The following SLC2A6 variants were observed in gnomAD, a reference collection of about 807,000 sequenced individuals.
SLC2A6 encodes solute carrier family 2 member 6.
Under a neutral mutation model 47.8 loss-of-function variants are expected in SLC2A6, and 39 were observed. The observed-to-expected ratio is 0.82, with a 90% CI of 0.63 to 1.07. SLC2A6 has a LOEUF of 1.07. SLC2A6 is among the 50% of genes least tolerant of loss of function. SLC2A6 has a pLI of 0.00. For synonymous variants in SLC2A6, 346 were observed against 324.1 expected, an observed-to-expected ratio of 1.07 and a Z score of -0.73; for missense variants, 650 against 707.6, an observed-to-expected ratio of 0.92 and a Z score of 0.92.
intron 1 of SLC2A6, 189 bp downstream of exon 1, chr9:133,478,779 G>A: frequency 5.0e-6 from 3 of 603,832 alleles, no homozygotes; most frequent in African/African-American, 1.9e-5. Context: ...GTACTCTCGT[G>A]GATCGTTCCT....
Position 133,471,768 on chromosome 9 carries a change from G to A in SLC2A6, c.*253C>T. On this transcript the variant is annotated 3_prime_UTR_variant, in exon 10 of 10. Coordinates refer to ENST00000371899, the MANE Select transcript of SLC2A6 (RefSeq NM_017585.4). ...AGCAGGGCCGTGTCCCTGGATGCAG[G>A]GTTGTATGCACTCCTGCGGCCCATG... 2.2e-6 allele frequency: 1 copy of A among 460,586 alleles called. No individual in the cohort carries two copies. The allele number at this position is 460,586 out of a possible 1,614,324, so 28.5% of individuals were successfully genotyped here.
Position 133,477,271 on chromosome 9 carries a change from T to C in SLC2A6, c.256-30A>G, listed in dbSNP as rs1209130359. ...AGGGGAAGGGGGTGCAGGGCAGATA[T>C]GTCTGGGCACTTGGCACCCCAATCT... is the stretch of plus-strand genomic sequence containing the variant. On this transcript the variant is annotated intron_variant, in intron 2 of 9. Transcript: ENST00000371899. The C allele has an allele frequency of 7.1e-6, 11 of 1,546,138 alleles. No homozygotes were observed. The Admixed American group carries it at 1.2e-4, about 17-fold the overall frequency.
rs1554801489 is a variant in SLC2A6 at position 133,471,748 on chromosome 9, G to A, written c.*273C>T. 1 of 400,362 alleles carries A rather than the reference G, an allele frequency of 2.5e-6. No individual in the cohort carries two copies. The highest frequency in any genetic ancestry group is 2.0e-5 in the African/African-American group (1 of 49,182). 24.8% of individuals were successfully genotyped at this position (400,362 alleles called of 1,614,324 possible). Reference sequence around the variant, plus strand: ...GACTAGGCCTGAGGTCACCCAGCAGGGCCGTGTCCCTGGATGCAGGGTTGT... The same window carrying A: ...GACTAGGCCTGAGGTCACCCAGCAGAGCCGTGTCCCTGGATGCAGGGTTGT... On this transcript the variant is annotated 3_prime_UTR_variant, in exon 10 of 10. Coordinates refer to ENST00000371899, the MANE Select transcript of SLC2A6 (RefSeq NM_017585.4).
At chr9:133,477,596 C>A (rs746709695) in intron 2 of SLC2A6, among the ~76,000 whole-genome samples, 23 of 152,160 alleles carry the variant, frequency 1.5e-4, no homozygotes, top group Non-Finnish European at 2.4e-4. Flanking sequence ...GCAACTGGGA[C>A]CCCCTCTGGA....
chr9:133,473,452 G>A lies in SLC2A6; in HGVS notation c.1185C>T (p.Thr395=), dbSNP rs782329302. The A allele has an allele frequency of 6.8e-6, 11 of 1,606,164 alleles. No homozygotes were observed. The highest frequency in any genetic ancestry group is 9.3e-6 in the Non-Finnish European group (11 of 1,177,632). The change falls in exon 8 of 10, where the codon ACC becomes ACT. Residue 395 remains threonine, a synonymous_variant. Transcript: ENST00000371899. ...QPLAAPAGYL[T]LVPLLATMLF... Reference sequence around the variant, plus strand: ...GCATGGTGGCCAGCAGGGGCACCAGGGTGAGGTAGCCAGCGGGTGCTGCCA... The same window carrying A: ...GCATGGTGGCCAGCAGGGGCACCAGAGTGAGGTAGCCAGCGGGTGCTGCCA...
At chr9:133,476,172 C>T (rs782044953) in intron 4 of SLC2A6, 65 bp downstream of exon 4, 13 of 1,270,034 alleles carry the variant, frequency 1.0e-5, no homozygotes, top group African/African-American at 4.4e-5. Flanking sequence ...TTTCCACCCA[C>T]GTCTACCTTG....
intron 7 of SLC2A6, 37 bp downstream of exon 7, chr9:133,473,943 A>AGGAGT (rs781872993): frequency 2.3e-5 from 34 of 1,495,006 alleles, no homozygotes; most frequent in Non-Finnish European, 2.7e-5. Flanking sequence ...ACCCATGCGG[A>AGGAGT]GGAGTGGGGC....
At chr9:133,472,350 A>G (rs1359785469) in intron 9 of SLC2A6, among the ~76,000 whole-genome samples, 174 bp from the exon 10 acceptor site, 1 of 151,752 alleles carries the variant, frequency 6.6e-6, no homozygotes, top group African/African-American at 2.4e-5. Context: ...CCCAGGACAA[A>G]TCCGAAGTAG....
At position 133,471,888 on chromosome 9, in the gene SLC2A6, A is replaced by G. The variant is rs1843729817; in HGVS notation, c.*133T>C. 3 of 1,108,214 alleles carry G rather than the reference A, an allele frequency of 2.7e-6. No homozygotes were observed. Among genetic ancestry groups the G allele is most frequent in the South Asian group, 3.1e-5 (2 of 63,976 alleles). The allele number at this position is 1,108,214 out of a possible 1,614,324, so 68.6% of individuals were successfully genotyped here. A position where few individuals can be genotyped will look rare whatever the true frequency, so the allele number is the denominator to read the frequency against. ...CAGGGGCACCCGCTGCTGAGGCCCC[A>G]TCACACTGCTCTTCCTGTGCTCTGG... On this transcript the variant is annotated 3_prime_UTR_variant, in exon 10 of 10. Coordinates refer to ENST00000371899, the MANE Select transcript of SLC2A6 (RefSeq NM_017585.4).
chr9:133,471,703 T>C lies in SLC2A6; in HGVS notation c.*318A>G. 1 of 280,142 alleles carries C rather than the reference T, an allele frequency of 3.6e-6. No individual in the cohort carries two copies. The highest frequency in any genetic ancestry group is 1.0e-4 in the South Asian group (1 of 10,010). 17.4% of individuals were successfully genotyped at this position (280,142 alleles called of 1,614,324 possible). On this transcript the variant is annotated 3_prime_UTR_variant, in exon 10 of 10. Transcript: ENST00000371899. ...TCCCCGTAGCCTTCTGTGGGGCGTG[T>C]CCTTCACGCAAGGGAAAGGGACTAG...
At position 133,475,483 on chromosome 9, in the gene SLC2A6, G is replaced by A; in HGVS notation, c.691C>T (p.Leu231=). The A allele has an allele frequency of 2.5e-6, 4 of 1,611,856 alleles. No individual in the cohort carries two copies. The highest frequency in any genetic ancestry group is 3.4e-6 in the Non-Finnish European group (4 of 1,179,910). The change falls in exon 5 of 10, where the codon CTG becomes TTG. Residue 231 remains leucine (L), a synonymous_variant. Coordinates refer to ENST00000371899, the MANE Select transcript of SLC2A6 (RefSeq NM_017585.4). ...CCACGCAGCCAGGCCAGCGCCCGCA[G>A]GGCCTCTTCGTCCCTGCCCCGAGAG... The part of the protein sequence containing the change: ...LLSRGRDEEA[L]RALAWLRGTD...
In SLC2A6 at chr9:133,473,976, T is replaced by C; in HGVS notation, c.1036+4A>G. 3 of 1,602,494 alleles carry C rather than the reference T, an allele frequency of 1.9e-6. No homozygotes were observed. The highest frequency in any genetic ancestry group is 2.6e-6 in the Non-Finnish European group (3 of 1,173,728). ...GGCAGGAGGGCTGCCTGCAGGGTGC[T>C]TACCTGAGACGAAGAGCAGCACCTT... On this transcript the variant is annotated splice_donor_region_variant and intron_variant, in intron 7 of 9. Coordinates refer to ENST00000371899, the MANE Select transcript of SLC2A6 (RefSeq NM_017585.4).
At position 133,479,095 on chromosome 9, in the gene SLC2A6, A is replaced by T. The variant is rs903099066; in HGVS notation, c.-36T>A. On this transcript the variant is annotated 5_prime_UTR_variant, in exon 1 of 10. Coordinates refer to ENST00000371899, the MANE Select transcript of SLC2A6 (RefSeq NM_017585.4). ...CTCTCGGGGCGAGCGGAGGGCGCTC[A>T]GACTGGAGCAGCCGCCCGGGGCCAG... 1 of 1,530,316 alleles carries T rather than the reference A, an allele frequency of 6.5e-7. No individual in the cohort carries two copies. The highest frequency in any genetic ancestry group is 8.7e-7 in the Non-Finnish European group (1 of 1,143,116). The allele number at this position is 1,530,316 out of a possible 1,614,324, so 94.8% of individuals were successfully genotyped here.
Position 133,473,653 on chromosome 9 carries a change from T to G in SLC2A6, c.1037-53A>C. 4 of 1,454,586 alleles carry G rather than the reference T, an allele frequency of 2.7e-6. No individual in the cohort carries two copies. The South Asian group carries it at 5.9e-5, about 21-fold the overall frequency. The allele number at this position is 1,454,586 out of a possible 1,614,324, so 90.1% of individuals were successfully genotyped here. On this transcript the variant is annotated intron_variant, in intron 7 of 9. Coordinates refer to ENST00000371899, the MANE Select transcript of SLC2A6 (RefSeq NM_017585.4). ...GCCAGGACCCTCTGAGCCAGCTGTTTCTCTCAGAGCTCCTTCTGCAGAGCC... is the reference window on the plus strand; with the variant it reads ...GCCAGGACCCTCTGAGCCAGCTGTTGCTCTCAGAGCTCCTTCTGCAGAGCC...
At chr9:133,472,287 G>A in intron 9 of SLC2A6, 111 bp from the exon 10 acceptor site, 1 of 1,279,898 alleles carries the variant, frequency 7.8e-7, no homozygotes, top group Non-Finnish European at 1.1e-6. Context: ...GCCTTCATCT[G>A]GTCCTTCCTG....
rs1554803871 is a variant in SLC2A6 at position 133,478,316 on chromosome 9, C to G, written c.193G>C (p.Ala65Pro). Residue 65 changes from alanine to proline, a missense_variant, in exon 2 of 10, where the codon GCC becomes CCC. Ala to Pro is a conservative substitution (Grantham distance 27). Coordinates refer to ENST00000371899, the MANE Select transcript of SLC2A6 (RefSeq NM_017585.4). ...ALVYTSPVIP[A>P]LERSLDPDLH... ...TCAGGATCCAAGGAGCGCTCCAGGG[C>G]TGGGATGACAGGGGATGTGTAGACC... The G allele has an allele frequency of 1.7e-5, 27 of 1,614,018 alleles. No individual in the cohort carries two copies. The highest frequency in any genetic ancestry group is 1.9e-5 in the Non-Finnish European group (23 of 1,180,026).
intron 9 of SLC2A6, 139 bp downstream of exon 9, chr9:133,472,966 A>T: frequency 1.1e-6 from 1 of 882,760 alleles, no homozygotes; most frequent in Non-Finnish European, 1.7e-6. Context: ...CTCTGAGTTC[A>T]GGGGGTGTGT....
chr9:133,473,453 G>C lies in SLC2A6; in HGVS notation c.1184C>G (p.Thr395Ser). 6.2e-7 allele frequency: 1 copy of C among 1,606,198 alleles called. No individual in the cohort carries two copies. Among genetic ancestry groups the C allele is most frequent in the Non-Finnish European group, 8.5e-7 (1 of 1,177,630 alleles). Residue 395 changes from threonine (T) to serine (S), a missense_variant, in exon 8 of 10, where the codon ACC becomes AGC. Transcript: ENST00000371899. ...QPLAAPAGYL[T>S]LVPLLATMLF... is the part of the protein sequence containing the mutation. ...CATGGTGGCCAGCAGGGGCACCAGG[G>C]TGAGGTAGCCAGCGGGTGCTGCCAG...
rs187217836 is a variant in SLC2A6, at chr9:133,471,133, C to A, written c.*888G>T. 2.0e-4 allele frequency: 31 copies of A among 151,828 alleles called. No individual in the cohort carries two copies. Among genetic ancestry groups the A allele is most frequent in the African/African-American group, 7.0e-4 (29 of 41,394 alleles). The allele number at this position is 151,828 out of a possible 1,614,324, so 9.4% of individuals were successfully genotyped here. A position where few individuals can be genotyped will look rare whatever the true frequency, so the allele number is the denominator to read the frequency against. ...CTTTATTTTTACAAAAGGGTGAACA[C>A]AGTTTGCAGATAGGAGCTGCCTGTT... On this transcript the variant is annotated 3_prime_UTR_variant, in exon 10 of 10. Transcript: ENST00000371899.
Sources: gnomAD v4.1 joint callset for allele counts (sites outside exome capture counted in the v4.1 genomes callset) on GRCh38, gnomAD v4.1.1 for gene constraint, MANE v1.5 for transcripts, NCBI Gene and HGNC (gene_info 2026-07-23, HGNC 2026-07-21) for gene names.